Variants in CGRRF1 observed in about 807,000 individuals in gnomAD.
CGRRF1 encodes cell growth regulator with ring finger domain 1, also known as cell growth regulator with RING finger domain protein 1.
In CGRRF1, 32 loss-of-function variants were observed where a neutral mutation model predicts 37.2. The observed-to-expected ratio is 0.86, with a 90% CI of 0.65 to 1.16. The LOEUF is 1.16. CGRRF1 is among the 50% of genes most tolerant of loss of function. The pLI is 0.00. For missense variants in CGRRF1, 391 were observed against 382.6 expected, an observed-to-expected ratio of 1.02 and a Z score of -0.18; for synonymous variants, 141 against 140.3, an observed-to-expected ratio of 1.00 and a Z score of -0.04.
intron 2 of CGRRF1, among the ~76,000 whole-genome samples, chr14:54,529,012 A>G (rs562408444): frequency 1.3e-5 from 2 of 152,310 alleles, no homozygotes; most frequent in East Asian, 1.9e-4. Flanking sequence ...ATCAATCAGA[A>G]TTCTTATTAG....
At chr14:54,532,553 A>C (rs2032533035) in intron 4 of CGRRF1, among the ~76,000 whole-genome samples, 1 of 152,176 alleles carries the variant, frequency 6.6e-6, no homozygotes, top group African/African-American at 2.4e-5. Flanking sequence ...CCATTTCACT[A>C]GGTATATATA....
chr14:54,530,749 T>A lies in CGRRF1; in HGVS notation c.423-154T>A. 3.4e-6 allele frequency: 3 copies of A among 876,798 alleles called. No homozygotes were observed. In the East Asian group the frequency reaches 7.3e-5, roughly 21 times the overall value. 54.3% of individuals were successfully genotyped at this position (876,798 alleles called of 1,614,324 possible). A position where few individuals can be genotyped will look rare whatever the true frequency, so the allele number is the denominator to read the frequency against. On this transcript the variant is annotated intron_variant, in intron 3 of 5. Coordinates refer to ENST00000216420, the MANE Select transcript of CGRRF1 (RefSeq NM_006568.3). Reference sequence around the variant, plus strand: ...ATGCTCTGTGGAGTGAATGTCTCTATCAGGAACAGTATTTGTATCCTTTTA... The same window carrying A: ...ATGCTCTGTGGAGTGAATGTCTCTAACAGGAACAGTATTTGTATCCTTTTA...
intron 2 of CGRRF1, among the ~76,000 whole-genome samples, chr14:54,525,160 C>A (rs2032391877): frequency 6.6e-6 from 1 of 152,162 alleles, no homozygotes; most frequent in South Asian, 2.1e-4. Context: ...TTGAGCAGGA[C>A]CCGCAATGAA....
intron 2 of CGRRF1, among the ~76,000 whole-genome samples, chr14:54,529,144 C>A (rs774602475): frequency 6.6e-6 from 1 of 152,036 alleles, no homozygotes. Flanking sequence ...AAAACCAGGC[C>A]CTTTTTATCT....
chr14:54,526,089 C>T (rs2032406505), intron 2 of CGRRF1, among the ~76,000 whole-genome samples: 1 of 151,176 alleles, frequency 6.6e-6, no homozygotes, highest in Non-Finnish European at 1.5e-5. Flanking sequence ...AGAGTGAGAC[C>T]CTGTCTCAAA....
In CGRRF1 at chr14:54,521,285, A is replaced by AC. The variant is rs539841789; in HGVS notation, c.105-1165dup. Among the ~76,000 whole-genome samples, 130 of 151,826 alleles carry AC rather than the reference A, an allele frequency of 8.6e-4. 3 individuals carry two copies. The South Asian group carries it at 0.021, about 25-fold the overall frequency. ...AGACCAGCCTGGTCAATATGGTGAA[A>AC]CCCCGTCTCTACTAAAAATACAAAA... On this transcript the variant is annotated intron_variant, in intron 1 of 5. Coordinates refer to ENST00000216420, the MANE Select transcript of CGRRF1 (RefSeq NM_006568.3).
chr14:54,510,620 C>T (rs1278292758), intron 1 of CGRRF1, among the ~76,000 whole-genome samples: 1 of 152,038 alleles, frequency 6.6e-6, no homozygotes, highest in East Asian at 1.9e-4. Context: ...AATATTTAGT[C>T]GATAGAATTG....
intron 3 of CGRRF1, 73 bp downstream of exon 3, chr14:54,530,299 T>G (rs2032491565): frequency 7.2e-7 from 1 of 1,385,620 alleles, no homozygotes; most frequent in African/African-American, 1.4e-5. Context: ...GCTAACTTAT[T>G]GATCATTCTT....
At chr14:54,515,277 A>G (rs564159199) in intron 1 of CGRRF1, among the ~76,000 whole-genome samples, 2 of 151,694 alleles carry the variant, frequency 1.3e-5, no homozygotes, top group East Asian at 1.9e-4. Flanking sequence ...AATTTTTAGT[A>G]GAGATGGGGT....
chr14:54,509,971 G>T lies in CGRRF1; in HGVS notation c.12G>T (p.Val4=). The change falls in exon 1 of 6, where the codon GTG becomes GTT. Residue 4 remains valine (V), a synonymous_variant. Transcript: ENST00000216420. ...AGAGCAAGACCCTGATGGCTGCGGT[G>T]TTTCTGGTAACGCTTTATGAATACT... The part of the protein sequence containing the change: MAA[V]FLVTLYEYSP... The T allele has an allele frequency of 6.2e-7, 1 of 1,613,364 alleles. No individual in the cohort carries two copies. Among genetic ancestry groups the T allele is most frequent in the South Asian group, 1.1e-5 (1 of 91,068 alleles).
intron 2 of CGRRF1, among the ~76,000 whole-genome samples, chr14:54,529,677 T>A (rs887856560): frequency 6.6e-6 from 1 of 152,202 alleles, no homozygotes; most frequent in African/African-American, 2.4e-5. Context: ...GCACTGTTTC[T>A]TGTCGTTAGG....
In CGRRF1 at chr14:54,537,762, A is replaced by G. The variant is rs1188336272; in HGVS notation, c.611A>G (p.Tyr204Cys). 3.8e-6 allele frequency: 6 copies of G among 1,596,404 alleles called. No homozygotes were observed. Among genetic ancestry groups the G allele is most frequent in the Non-Finnish European group, 5.1e-6 (6 of 1,175,250 alleles). The change falls in exon 5 of 6, where the codon TAT becomes TGT. Residue 204 changes from tyrosine (Y) to cysteine (C), a missense_variant. Coordinates refer to ENST00000216420, the MANE Select transcript of CGRRF1 (RefSeq NM_006568.3). ...GTGATTCATATTCCTGATAGGACTT[A>G]TAAACTATCCTGCAGAATATTGTAT... ...VSVIHIPDRT[Y>C]KLSCRILYQY...
At chr14:54,536,519 A>G (rs965099058) in intron 4 of CGRRF1, 1 of 152,182 alleles carries the variant, frequency 6.6e-6, no homozygotes, top group African/African-American at 2.4e-5. Flanking sequence ...TCCACCAACA[A>G]TATATGAGAG....
At chr14:54,538,004 A>G in intron 5 of CGRRF1, 59 bp from the exon 6 acceptor site, 1 of 1,457,492 alleles carries the variant, frequency 6.9e-7, no homozygotes, top group Non-Finnish European at 9.1e-7. Flanking sequence ...TATGACCCCC[A>G]ATTTTAAAGA....
intron 4 of CGRRF1, among the ~76,000 whole-genome samples, chr14:54,534,062 C>T (rs941901531): frequency 4.6e-5 from 7 of 152,106 alleles, no homozygotes; most frequent in African/African-American, 7.2e-5. Context: ...CCCACAACTA[C>T]ATATATAACT....
At chr14:54,524,020 C>A (rs368118953) in intron 2 of CGRRF1, among the ~76,000 whole-genome samples, 7 of 152,182 alleles carry the variant, frequency 4.6e-5, no homozygotes, top group African/African-American at 1.7e-4. Flanking sequence ...TTTGCATTTT[C>A]CTTCTCTTAG....
At chr14:54,533,286 T>C (rs1345210474) in intron 4 of CGRRF1, among the ~76,000 whole-genome samples, 1 of 152,122 alleles carries the variant, frequency 6.6e-6, no homozygotes, top group African/African-American at 2.4e-5. Context: ...ATGAAGACTG[T>C]GTGGCCCAGC....
chr14:54,528,108 A>G (rs112194627), intron 2 of CGRRF1, among the ~76,000 whole-genome samples: 7 of 151,830 alleles, frequency 4.6e-5, no homozygotes, highest in African/African-American at 1.7e-4. Context: ...AGTAGCATAT[A>G]TATTTAATTT....
At chr14:54,535,444 A>G (rs1209310526) in intron 4 of CGRRF1, among the ~76,000 whole-genome samples, 1 of 151,610 alleles carries the variant, frequency 6.6e-6, no homozygotes, top group Non-Finnish European at 1.5e-5. Flanking sequence ...TTTTCTTATG[A>G]TCAGATCAAA....
Sources: allele counts gnomAD v4.1 joint callset (sites outside exome capture counted in the v4.1 genomes callset), GRCh38; gene constraint gnomAD v4.1.1; transcripts MANE v1.5; gene names NCBI Gene and HGNC (gene_info 2026-07-23, HGNC 2026-07-21).